TMC1: variants seen among roughly 807,000 people sequenced by gnomAD.
TMC1 encodes transmembrane channel-like protein 1.
A neutral mutation model predicts 105.8 loss-of-function variants in TMC1; 84 were observed. That is an observed-to-expected ratio of 0.79 (90% CI 0.67 to 0.95). The LOEUF (loss-of-function observed/expected upper bound fraction) is 0.95, where lower values mean the gene tolerates loss of function less well. Ranked by LOEUF, TMC1 falls within the 40% of genes least tolerant of loss-of-function variation. The pLI is 0.00. For synonymous variants in TMC1, 315 were observed against 311.5 expected (o/e 1.01, Z -0.12); for missense variants, 817 against 914.1 (o/e 0.89, Z 1.37).
At chr9:72,689,765 T>G (rs1346745619) in intron 6 of TMC1, among the ~76,000 whole-genome samples, 1 of 152,160 alleles carries the variant, frequency 6.6e-6, no homozygotes, top group Non-Finnish European at 1.5e-5. Context: ...CCACCCCTGT[T>G]CTTTTTTAGC....
intron 10 of TMC1, among the ~76,000 whole-genome samples, chr9:72,743,580 AAG>A (rs1554724444): frequency 9.2e-5 from 13 of 140,896 alleles, no homozygotes; most frequent in Non-Finnish European, 1.2e-4. Flanking sequence ...AAAAAAAAAA[AAG>A]AAAGAAAGAA....
At chr9:72,657,437 C>T (rs879371364) in intron 5 of TMC1, among the ~76,000 whole-genome samples, 3 of 152,050 alleles carry the variant, frequency 2.0e-5, no homozygotes, top group Non-Finnish European at 2.9e-5. Context: ...TGGCTGGGAG[C>T]AGAATTCCAA....
chr9:72,571,964 G>A (rs1461536830), intron 1 of TMC1, among the ~76,000 whole-genome samples: 1 of 151,760 alleles, frequency 6.6e-6, no homozygotes, highest in African/African-American at 2.4e-5. Context: ...AGCCTCTTGA[G>A]TAGCTGGGAT....
intron 12 of TMC1, among the ~76,000 whole-genome samples, chr9:72,761,523 T>C (rs1023203089): frequency 2.6e-5 from 4 of 152,126 alleles, no homozygotes; most frequent in Non-Finnish European, 5.9e-5. Context: ...ATAGAAGATA[T>C]CCTACAATGG....
intron 8 of TMC1, among the ~76,000 whole-genome samples, chr9:72,738,683 G>T (rs537035278): frequency 6.6e-6 from 1 of 152,238 alleles, no homozygotes; most frequent in South Asian, 2.1e-4. Flanking sequence ...TTCCCAAAGT[G>T]CTGGGATTAC....
chr9:72,811,812 A>G (rs1828710356), intron 18 of TMC1, among the ~76,000 whole-genome samples: 1 of 152,232 alleles, frequency 6.6e-6, no homozygotes, highest in Admixed American at 6.5e-5. Flanking sequence ...TGACTACCTT[A>G]GTGGATTCCC....
intron 8 of TMC1, among the ~76,000 whole-genome samples, chr9:72,728,487 T>A (rs759454987): frequency 5.9e-5 from 9 of 152,204 alleles, no homozygotes; most frequent in Non-Finnish European, 1.2e-4. Flanking sequence ...TTCTTGTATC[T>A]GCTGCTTCTT....
chr9:72,787,169 C>G (rs1828181156), intron 13 of TMC1, among the ~76,000 whole-genome samples: 1 of 152,280 alleles, frequency 6.6e-6, no homozygotes, highest in South Asian at 2.1e-4. Flanking sequence ...TGCCTTTGAG[C>G]TTCAGCTTCC....
chr9:72,661,489 T>C (rs1053069801), intron 5 of TMC1, among the ~76,000 whole-genome samples: 1 of 152,222 alleles, frequency 6.6e-6, no homozygotes, highest in Non-Finnish European at 1.5e-5. Context: ...TTATCATCAC[T>C]CTGCTCATTC....
intron 8 of TMC1, among the ~76,000 whole-genome samples, chr9:72,723,146 A>G (rs372917946): frequency 2.4e-4 from 37 of 152,306 alleles, no homozygotes; most frequent in African/African-American, 8.2e-4. Context: ...AAGTGCATCA[A>G]TGACTTCTTA....
chr9:72,697,416 T>A lies in TMC1; in HGVS notation c.236+2702T>A, dbSNP rs370270960. 4.1e-4 allele frequency among the ~76,000 whole-genome samples: 62 copies of A among 152,270 alleles called. 1 individual carries two copies. The South Asian group carries it at 0.013, about 31-fold the overall frequency. ...AATTATTATGACATAAGAAAGTATA[T>A]GTGTCCCAGAGAAATACAAACAAAG... On this transcript the variant is annotated intron_variant, in intron 7 of 23. Transcript: ENST00000297784.
At chr9:72,770,281 T>C (rs1426882940) in intron 12 of TMC1, among the ~76,000 whole-genome samples, 1 of 149,240 alleles carries the variant, frequency 6.7e-6, no homozygotes, top group Non-Finnish European at 1.5e-5. Context: ...CATACACACA[T>C]ATACATATAT....
At chr9:72,763,005 A>G (rs1827779752) in intron 12 of TMC1, among the ~76,000 whole-genome samples, 1 of 148,272 alleles carries the variant, frequency 6.7e-6, no homozygotes, top group South Asian at 2.2e-4. Context: ...GACGAGAGAG[A>G]TTCCTGGGTC....
Position 72,756,965 on chromosome 9 carries a change from G to A in TMC1, c.741+2081G>A, listed in dbSNP as rs765458007. 1.1e-4 allele frequency among the ~76,000 whole-genome samples: 17 copies of A among 152,270 alleles called. No homozygotes were observed. In the East Asian group the frequency reaches 2.9e-3, roughly 26 times the overall value. On this transcript the variant is annotated intron_variant, in intron 12 of 23. Transcript: ENST00000297784. Reference sequence around the variant, plus strand: ...GATGATGAGTGTGCTTCCCAAGATTGTATCACTGCCCTTGACAGCTCTCTC... The same window carrying A: ...GATGATGAGTGTGCTTCCCAAGATTATATCACTGCCCTTGACAGCTCTCTC...
At chr9:72,661,483 C>T (rs1825969133) in intron 5 of TMC1, among the ~76,000 whole-genome samples, 1 of 152,206 alleles carries the variant, frequency 6.6e-6, no homozygotes, top group Non-Finnish European at 1.5e-5. Flanking sequence ...CTTTGCTTAT[C>T]ATCACTCTGC....
intron 18 of TMC1, among the ~76,000 whole-genome samples, chr9:72,813,598 T>G (rs1459941918): frequency 6.6e-6 from 1 of 152,238 alleles, no homozygotes; most frequent in Non-Finnish European, 1.5e-5. Flanking sequence ...CTATTATAAC[T>G]GCTAAATGCT....
At chr9:72,812,357 T>G (rs543530090) in intron 18 of TMC1, among the ~76,000 whole-genome samples, 2 of 152,308 alleles carry the variant, frequency 1.3e-5, no homozygotes, top group South Asian at 4.1e-4. Flanking sequence ...CATAAGGGGT[T>G]GAGAACATGG....
chr9:72,709,093 C>A (rs1345043763), intron 8 of TMC1, among the ~76,000 whole-genome samples: 1 of 151,794 alleles, frequency 6.6e-6, no homozygotes, highest in Admixed American at 6.6e-5. Context: ...GGAGGGGGAT[C>A]CTCTCTTGCT....
At chr9:72,559,656 G>A (rs1051566884) in intron 1 of TMC1, among the ~76,000 whole-genome samples, 1 of 152,156 alleles carries the variant, frequency 6.6e-6, no homozygotes, top group Non-Finnish European at 1.5e-5. Context: ...TATCGGATGT[G>A]TAGAGAAAGA....
Sources: gnomAD v4.1 joint callset for allele counts (sites outside exome capture counted in the v4.1 genomes callset) on GRCh38, gnomAD v4.1.1 for gene constraint, MANE v1.5 for transcripts, NCBI Gene and HGNC (gene_info 2026-07-23, HGNC 2026-07-21) for gene names.